The following TRRAP variants were observed in gnomAD, a reference collection of about 807,000 sequenced individuals.
The protein encoded by TRRAP is transformation/transcription domain-associated protein.
TRRAP carries 41 observed loss-of-function variants against 438.8 expected under a neutral mutation model. That is an observed-to-expected ratio of 0.09 (90% CI 0.07 to 0.12). The LOEUF is 0.12. Among genes scored for constraint, TRRAP ranks in the 10% least tolerant of loss-of-function variants. The pLI, the probability that TRRAP is intolerant of heterozygous loss-of-function variation, is 1.00. For missense variants in TRRAP, 3,122 were observed against 5,055.1 expected (o/e 0.62, Z 11.60); for synonymous variants, 1,994 against 1,962.9 (o/e 1.02, Z -0.42).
chr7:99,004,515 CAG>C, intron 68 of TRRAP, 100 bp downstream of exon 68: 1 of 1,018,670 alleles, frequency 9.8e-7, no homozygotes, highest in Non-Finnish European at 1.4e-6. Context: ...ATTTTGGACA[CAG>C]ATTCCCTGAC....
At chr7:98,949,226 C>G (rs1405810271) in intron 35 of TRRAP, among the ~76,000 whole-genome samples, 191 bp from the exon 36 acceptor site, 2 of 151,428 alleles carry the variant, frequency 1.3e-5, no homozygotes, top group Non-Finnish European at 2.9e-5. Flanking sequence ...ACCCAAGACT[C>G]TGTCTCTTTT....
intron 31 of TRRAP, among the ~76,000 whole-genome samples, chr7:98,943,623 C>T (rs933660626): frequency 6.6e-6 from 1 of 152,234 alleles, no homozygotes; most frequent in Non-Finnish European, 1.5e-5. Flanking sequence ...TCAGCTAAAT[C>T]TTTTAAAGTG....
At chr7:99,001,828 A>G (rs1319219349) in intron 67 of TRRAP, among the ~76,000 whole-genome samples, 1 of 152,240 alleles carries the variant, frequency 6.6e-6, no homozygotes, top group Non-Finnish European at 1.5e-5. Context: ...GAAGACTTCC[A>G]TTCATGTGGG....
intron 3 of TRRAP, among the ~76,000 whole-genome samples, chr7:98,886,433 G>T (rs1171186864): frequency 1.3e-5 from 2 of 151,586 alleles, no homozygotes; most frequent in African/African-American, 4.9e-5. Context: ...TATCTAGAGA[G>T]ATATAGATAT....
At chr7:98,892,269 G>A (rs2116305957) in intron 4 of TRRAP, among the ~76,000 whole-genome samples, 155 bp from the exon 5 acceptor site, 1 of 152,276 alleles carries the variant, frequency 6.6e-6, no homozygotes, top group South Asian at 2.1e-4. Flanking sequence ...GTAGTTTCTA[G>A]GACTGCTTGA....
At chr7:98,967,376 T>A in intron 50 of TRRAP, 109 bp from the exon 51 acceptor site, 1 of 1,378,444 alleles carries the variant, frequency 7.3e-7, no homozygotes, top group Non-Finnish European at 1.0e-6. Flanking sequence ...TACTCTTGGT[T>A]TTCATAGTGG....
At chr7:99,006,028 A>G (rs921181155) in intron 69 of TRRAP, among the ~76,000 whole-genome samples, 1 of 152,200 alleles carries the variant, frequency 6.6e-6, no homozygotes, top group Non-Finnish European at 1.5e-5. Context: ...TTCCTGGGTG[A>G]AATGCAGGAC....
intron 24 of TRRAP, 96 bp downstream of exon 24, chr7:98,930,302 C>A: frequency 2.1e-6 from 3 of 1,431,796 alleles, no homozygotes; most frequent in South Asian, 1.3e-5. Context: ...TGCGGCCAGA[C>A]GCAGTGGCTC....
intron 57 of TRRAP, 144 bp from the exon 58 acceptor site, chr7:98,978,625 C>A (rs1792775791): frequency 1.7e-6 from 2 of 1,202,440 alleles, no homozygotes; most frequent in Non-Finnish European, 2.4e-6. Flanking sequence ...ATGGAGCACA[C>A]CTCCATGTCC....
rs782182540 is a variant in TRRAP, at chr7:98,956,217, C to T, written c.6009C>T (p.Pro2003=). The change falls in exon 42 of 73, where the codon CCC becomes CCT. Residue 2003 remains proline, a synonymous_variant. Transcript: ENST00000456197. This position sits in a 1 kb window ranked among gnomAD's most constrained non-coding sequence, Gnocchi z 4.5. The part of the protein sequence containing the change: ...VSAMQRLGFT[P]SVTIEQRRLA... ...CCATGCAGAGGCTGGGCTTCACGCC[C>T]AGTGTCACCATCGAGCAGAGGCGGC... The T allele has an allele frequency of 1.3e-5, 21 of 1,613,716 alleles. No homozygotes were observed. The African/African-American group carries it at 2.5e-4, about 19-fold the overall frequency.
chr7:98,962,748 G>A (rs184581270), intron 47 of TRRAP, among the ~76,000 whole-genome samples: 2 of 152,310 alleles, frequency 1.3e-5, no homozygotes, highest in Non-Finnish European at 1.5e-5. Flanking sequence ...ACAATGTGTG[G>A]ACTCTGCCTT....
intron 44 of TRRAP, 149 bp from the exon 45 acceptor site, chr7:98,959,195 G>A (rs1315403241): frequency 1.5e-5 from 16 of 1,075,556 alleles, no homozygotes; most frequent in Non-Finnish European, 2.0e-5. Flanking sequence ...GTGTCCAGCT[G>A]TGTGGAGGTC....
In TRRAP at chr7:98,928,756, A is replaced by AT. The variant is rs201232043; in HGVS notation, c.3176-1223dup. Among the ~76,000 whole-genome samples the AT allele has an allele frequency of 4.5e-4, 67 of 148,038 alleles. 1 individual carries two copies. The East Asian group carries it at 9.3e-3, about 21-fold the overall frequency. The stretch of plus-strand genomic sequence containing the variant: ...ATGTTACCCCATTGTGGTTTTCTTT[A>AT]TTTTTTTTTTAATTTTTGTTTTGTT... On this transcript the variant is annotated intron_variant, in intron 23 of 72. Transcript: ENST00000456197.
rs187802894 is a variant in TRRAP at position 98,994,230 on chromosome 7, G to T, written c.10048-357G>T. Reference sequence around the variant, plus strand: ...CAGCTCCTTACTGCTGTGAAGTCTCGTGTGTGCACAGTGCACGCAGACACG... The same window carrying T: ...CAGCTCCTTACTGCTGTGAAGTCTCTTGTGTGCACAGTGCACGCAGACACG... On this transcript the variant is annotated intron_variant, in intron 66 of 72. Coordinates refer to ENST00000456197, the MANE Select transcript of TRRAP (RefSeq NM_001375524.1). This position sits in a 1 kb window ranked among gnomAD's most constrained non-coding sequence, Gnocchi z 4.8. 5.3e-4 allele frequency among the ~76,000 whole-genome samples: 80 copies of T among 152,308 alleles called. 1 individual carries two copies. Among genetic ancestry groups the T allele is most frequent in the African/African-American group, 1.8e-3 (76 of 41,564 alleles).
At position 99,004,388 on chromosome 7, in the gene TRRAP, C is replaced by T. The variant is rs1263172103; in HGVS notation, c.10508C>T (p.Pro3503Leu). The part of the protein sequence containing the change: ...EIPGEFLMPK[P>L]THYYIKIARF... ...CCTGGGGAGTTTCTGATGCCAAAGC[C>T]AACGCATTATTACATCAAGATTGCA... is the stretch of plus-strand genomic sequence containing the variant. Residue 3503 changes from proline to leucine, a missense_variant, in exon 68 of 73, where the codon CCA (proline) becomes CTA (leucine). Physicochemically the swap from Pro to Leu is moderately conservative, Grantham distance 98. Transcript: ENST00000456197. 2 of 1,614,088 alleles carry T rather than the reference C, an allele frequency of 1.2e-6. No homozygotes were observed. Among genetic ancestry groups the T allele is most frequent in the East Asian group, 2.2e-5 (1 of 44,874 alleles).
chr7:98,970,339 C>G, intron 52 of TRRAP, 48 bp downstream of exon 52: 1 of 1,589,660 alleles, frequency 6.3e-7, no homozygotes, highest in Non-Finnish European at 8.5e-7. Flanking sequence ...GAGGTGAGGC[C>G]CCACACCCCA....
At chr7:98,919,526 C>T (rs1157068813) in intron 20 of TRRAP, among the ~76,000 whole-genome samples, 1 of 152,160 alleles carries the variant, frequency 6.6e-6, no homozygotes, top group Non-Finnish European at 1.5e-5. Context: ...CCGTTGAACT[C>T]AAGAGGTTGA....
rs762461104 is a variant in TRRAP at position 98,964,750 on chromosome 7, G to A, written c.6951G>A (p.Ala2317=). 37 of 1,612,966 alleles carry A rather than the reference G, an allele frequency of 2.3e-5. No homozygotes were observed. Among genetic ancestry groups the A allele is most frequent in the South Asian group, 2.0e-4 (18 of 90,836 alleles). Residue 2317 remains alanine (A), a synonymous_variant, in exon 48 of 73, where the codon GCG becomes GCA. Coordinates refer to ENST00000456197, the MANE Select transcript of TRRAP (RefSeq NM_001375524.1). ...GGGAGCATTTAAACCCTCAGGCAGC[G>A]TCAGGAAGCACCGAAGCCACCTCAG... ...MVREHLNPQA[A]SGSTEATSGT...
intron 67 of TRRAP, among the ~76,000 whole-genome samples, 192 bp from the exon 68 acceptor site, chr7:99,003,998 G>A (rs1051439764): frequency 1.2e-4 from 18 of 152,240 alleles, no homozygotes; most frequent in East Asian, 7.7e-4. Context: ...ACTGAAACCC[G>A]GGAGGCGGAC....
Sources: gnomAD v4.1 joint callset for allele counts (sites outside exome capture counted in the v4.1 genomes callset) on GRCh38, gnomAD v4.1.1 for gene constraint, Gnocchi (gnomAD v3.1) non-coding constraint, MANE v1.5 for transcripts, NCBI Gene and HGNC (gene_info 2026-07-23, HGNC 2026-07-21) for gene names.